The following MBNL1 variants were observed in gnomAD, a reference collection of about 807,000 sequenced individuals.
MBNL1 encodes the protein muscleblind-like protein 1.
A neutral mutation model predicts 42.2 loss-of-function variants in MBNL1; 8 were observed. The observed-to-expected ratio is 0.19, with a 90% CI of 0.11 to 0.34. The LOEUF is 0.34. Ranked by LOEUF, MBNL1 falls within the 10% of genes least tolerant of loss-of-function variation. The pLI is 1.00. For missense variants in MBNL1, 309 were observed against 495.3 expected, an observed-to-expected ratio of 0.62 and a Z score of 3.57; for synonymous variants, 169 against 173.9, an observed-to-expected ratio of 0.97 and a Z score of 0.22.
At chr3:152,344,337 G>A (rs138277573) in intron 2 of MBNL1, among the ~76,000 whole-genome samples, 1 of 152,218 alleles carries the variant, frequency 6.6e-6, no homozygotes, top group Non-Finnish European at 1.5e-5. Context: ...AAATCAGGAT[G>A]CCGTGTGTAC....
intron 2 of MBNL1, among the ~76,000 whole-genome samples, chr3:152,261,404 A>G (rs1413973262): frequency 6.6e-6 from 1 of 152,184 alleles, no homozygotes; most frequent in Non-Finnish European, 1.5e-5. Context: ...AAGGAAGGAC[A>G]TGGGGTTGGC....
chr3:152,417,557 C>A (rs79808223), intron 3 of MBNL1, among the ~76,000 whole-genome samples: 9,619 of 151,886 alleles, frequency 0.063, 438 homozygotes, highest in Non-Finnish European at 0.096. Flanking sequence ...CAGTTTAGCT[C>A]CCAAACCTTG....
chr3:152,338,058 A>T, intron 2 of MBNL1: 2 of 933,128 alleles, frequency 2.1e-6, no homozygotes, highest in Non-Finnish European at 2.6e-6. Flanking sequence ...CACTTATTAG[A>T]TTTTTAACCA....
At chr3:152,338,002 A>G in intron 2 of MBNL1, 2 of 794,410 alleles carry the variant, frequency 2.5e-6, no homozygotes, top group Non-Finnish European at 3.0e-6. Context: ...TTTTTTTTGT[A>G]TTTGTAAATT....
intron 1 of MBNL1, among the ~76,000 whole-genome samples, chr3:152,274,836 T>A (rs2043994152): frequency 1.3e-5 from 2 of 152,182 alleles, no homozygotes; most frequent in South Asian, 4.1e-4. Flanking sequence ...TTGCAGCCAC[T>A]AAATAGTTAC....
chr3:152,409,975 C>T (rs1363024844), intron 2 of MBNL1, among the ~76,000 whole-genome samples: 1 of 152,094 alleles, frequency 6.6e-6, no homozygotes, highest in Non-Finnish European at 1.5e-5. Flanking sequence ...AATTGCATTG[C>T]ACATAGCTAG....
intron 2 of MBNL1, among the ~76,000 whole-genome samples, chr3:152,246,085 A>G (rs2032935863): frequency 6.6e-6 from 1 of 152,160 alleles, no homozygotes; most frequent in African/African-American, 2.4e-5. Context: ...TTCTGTCTCT[A>G]AAAATATAAA....
chr3:152,327,047 G>A (rs1577995915), intron 2 of MBNL1, among the ~76,000 whole-genome samples: 1 of 152,112 alleles, frequency 6.6e-6, no homozygotes, highest in East Asian at 1.9e-4. Flanking sequence ...GACCTCAAAT[G>A]ATCTGCCTGC....
chr3:152,456,302 T>A lies in MBNL1; in HGVS notation c.1033T>A (p.Ser345Thr). 3.1e-6 allele frequency: 5 copies of A among 1,613,984 alleles called. No homozygotes were observed. Among genetic ancestry groups the A allele is most frequent in the Middle Eastern group, 1.7e-4 (1 of 6,060 alleles). ...GCACGGTGCTACGCCAGCCACTGTG[T>A]CCGCAGCAACAACATCTGCCACAAG... Reference protein sequence around the residue: ...MVHGATPATVSAATTSATSVP... With the variant: ...MVHGATPATVTAATTSATSVP... Residue 345 changes from serine (S) to threonine (T), a missense_variant, in exon 8 of 10, where the codon TCC becomes ACC. Coordinates refer to ENST00000324210, the MANE Select transcript of MBNL1 (RefSeq NM_021038.5).
In MBNL1 at chr3:152,352,248, C is replaced by T. The variant is rs187101462; in HGVS notation, c.174+51881C>T. 2.0e-4 allele frequency among the ~76,000 whole-genome samples: 30 copies of T among 152,246 alleles called. 1 individual carries two copies. In the East Asian group the frequency reaches 5.8e-3, roughly 29 times the overall value. ...ATGAGCAAAATATGGCCGATGACAG[C>T]TTTCATGTATTCATTTTTTCATGTT... On this transcript the variant is annotated intron_variant, in intron 2 of 9. Transcript: ENST00000324210.
chr3:152,350,487 G>A (rs1390288243), intron 2 of MBNL1, among the ~76,000 whole-genome samples: 9 of 152,272 alleles, frequency 5.9e-5, no homozygotes, highest in Non-Finnish European at 5.9e-5. Context: ...CACAGAAGAG[G>A]TTGTTGTAGA....
rs10564035 is a variant in MBNL1, at chr3:152,296,672, TTGTGTGTGTGTG to T, written c.-789-2715_-789-2704del. 6.7e-4 allele frequency among the ~76,000 whole-genome samples: 100 copies of T among 148,606 alleles called. No individual in the cohort carries two copies. In the South Asian group the frequency reaches 0.019, roughly 29 times the overall value. On this transcript the variant is annotated intron_variant, in intron 1 of 9. Coordinates refer to ENST00000324210, the MANE Select transcript of MBNL1 (RefSeq NM_021038.5). ...ACATAATAATTTATAGAGGCAATGA[TTGTGTGTGTGTG>T]TGTGTGTGTGTGTGTGTTTTCAAAT... is the stretch of plus-strand genomic sequence containing the variant.
intron 2 of MBNL1, among the ~76,000 whole-genome samples, chr3:152,314,808 A>AT (rs1254427746): frequency 2.6e-5 from 4 of 152,124 alleles, no homozygotes; most frequent in Non-Finnish European, 5.9e-5. Context: ...CATCTCCCTG[A>AT]TTTTTTTGGC....
intron 2 of MBNL1, among the ~76,000 whole-genome samples, chr3:152,407,988 C>A (rs2098474049): frequency 6.6e-6 from 1 of 151,862 alleles, no homozygotes; most frequent in African/African-American, 2.4e-5. Context: ...GAGGGCGAGG[C>A]AAGAGATTGA....
chr3:152,288,198 C>CTACA (rs1311550155), intron 1 of MBNL1, among the ~76,000 whole-genome samples: 1 of 152,122 alleles, frequency 6.6e-6, no homozygotes, highest in Non-Finnish European at 1.5e-5. Flanking sequence ...TATTTAATAA[C>CTACA]TAAGAAAGAG....
At chr3:152,429,672 A>C (rs79768138) in intron 3 of MBNL1, among the ~76,000 whole-genome samples, 1,831 of 152,176 alleles carry the variant, frequency 0.012, 14 homozygotes, top group Non-Finnish European at 0.02. Context: ...TGATTAGGGC[A>C]CTCTCTGATG....
intron 2 of MBNL1, among the ~76,000 whole-genome samples, chr3:152,325,902 C>G (rs1041368643): frequency 6.6e-6 from 1 of 151,956 alleles, no homozygotes; most frequent in Non-Finnish European, 1.5e-5. Flanking sequence ...ACAACCCCCT[C>G]CATATATCTA....
At chr3:152,423,127 C>A (rs1303521654) in intron 3 of MBNL1, among the ~76,000 whole-genome samples, 4 of 152,086 alleles carry the variant, frequency 2.6e-5, no homozygotes, top group African/African-American at 9.7e-5. Context: ...ATACAAAAAA[C>A]CCTTCAAAAA....
intron 2 of MBNL1, among the ~76,000 whole-genome samples, chr3:152,332,721 TGTGTGTGTGTGTGTGTGTGC>T (rs1355753601): frequency 5.2e-4 from 67 of 128,266 alleles, no homozygotes; most frequent in African/African-American, 1.9e-3. Context: ...TGTGTGTGTG[TGTGTGTGTGTGTGTGTGTGC>T]GCGCGCGCAT....
Sources: gnomAD v4.1 joint callset for allele counts (sites outside exome capture counted in the v4.1 genomes callset) on GRCh38, gnomAD v4.1.1 for gene constraint, MANE v1.5 for transcripts, NCBI Gene and HGNC (gene_info 2026-07-23, HGNC 2026-07-21) for gene names.